Variants in ZSCAN10 observed in about 807,000 individuals in gnomAD.
ZSCAN10 encodes zinc finger and SCAN domain-containing protein 10.
ZSCAN10 carries 52 observed loss-of-function variants against 63.7 expected under a neutral mutation model. The observed-to-expected ratio is 0.82, with a 90% CI of 0.65 to 1.03. The LOEUF is 1.03. ZSCAN10 is among the 50% of genes least tolerant of loss of function. ZSCAN10 has a pLI of 0.00. For synonymous variants in ZSCAN10, 544 were observed against 479.6 expected (o/e 1.13, Z -1.76); for missense variants, 1,223 against 1,103.8 (o/e 1.11, Z -1.53).
rs1030759679 is a variant in ZSCAN10 at position 3,090,630 on chromosome 16, G to A, written c.804C>T (p.Thr268=). 6.5e-7 allele frequency: 1 copy of A among 1,544,116 alleles called. No homozygotes were observed. Among genetic ancestry groups the A allele is most frequent in the Admixed American group, 2.1e-5 (1 of 48,196 alleles). ...CTTGTTTAAATTCCTCCTTGTCTGG[G>A]GTTCTGCTTCCGAATCCTGGGAAAC... The part of the protein sequence containing the change: ...PAHPLGFGSR[T]PDKEEFKQEE... Residue 268 remains threonine (T), a synonymous_variant, in exon 6 of 6, where the codon ACC becomes ACT. Coordinates refer to ENST00000576985, the MANE Select transcript of ZSCAN10 (RefSeq NM_032805.3).
rs1957059750 is a variant in ZSCAN10, at chr16:3,090,546, A to G, written c.888T>C (p.Ser296=). ...TPILAESQAD[S]PGVPGEPCAQ... The stretch of plus-strand genomic sequence containing the variant: ...CGCAAGGCTCTCCCGGCACCCCAGG[A>G]CTATCTGCCTGGGACTCTGCTAAGA... The change falls in exon 6 of 6, where the codon AGT becomes AGC. Residue 296 remains serine, a synonymous_variant. Coordinates refer to ENST00000576985, the MANE Select transcript of ZSCAN10 (RefSeq NM_032805.3). 6.2e-7 allele frequency: 1 copy of G among 1,611,412 alleles called. No individual in the cohort carries two copies. Among genetic ancestry groups the G allele is most frequent in the African/African-American group, 1.3e-5 (1 of 75,018 alleles).
intron 1 of ZSCAN10, among the ~76,000 whole-genome samples, chr16:3,093,675 GCTTTTTTTTTT>G (rs953611827): frequency 7.2e-6 from 1 of 138,094 alleles, no homozygotes; most frequent in African/African-American, 2.8e-5. Context: ...GTTTTTTAAA[GCTTTTTTTTTT>G]CTTTTTTTTT....
At chr16:3,095,594 G>T (rs1447252730) in intron 1 of ZSCAN10, among the ~76,000 whole-genome samples, 1 of 151,266 alleles carries the variant, frequency 6.6e-6, no homozygotes, top group Non-Finnish European at 1.5e-5. Context: ...CACTTTGGGA[G>T]GCCGAGGGTG....
chr16:3,092,017 G>C, intron 3 of ZSCAN10, 32 bp downstream of exon 3: 3 of 1,550,438 alleles, frequency 1.9e-6, no homozygotes, highest in Non-Finnish European at 2.6e-6. Flanking sequence ...GCGACACCCA[G>C]TCCTTGGCCT....
intron 5 of ZSCAN10, among the ~76,000 whole-genome samples, chr16:3,090,890 C>CA (rs398058044): frequency 0.2 from 12,452 of 63,602 alleles, 837 homozygotes; most frequent in East Asian, 0.43. Flanking sequence ...CCCGTCTCTA[C>CA]AAAAAAAAAA....
At chr16:3,090,682 A>G (rs373217633) in intron 5 of ZSCAN10, 36 bp from the exon 6 acceptor site, 23 of 1,498,872 alleles carry the variant, frequency 1.5e-5, no homozygotes, top group Non-Finnish European at 2.0e-5. Context: ...GGTCAGGCCT[A>G]TTCCCAGGGC....
chr16:3,090,770 C>T (rs900355901), intron 5 of ZSCAN10, 124 bp from the exon 6 acceptor site: 1 of 1,196,148 alleles, frequency 8.4e-7, no homozygotes, highest in Non-Finnish European at 1.1e-6. Context: ...AGGTAAAAGG[C>T]CGGGCACAGT....
Position 3,089,655 on chromosome 16 carries a change from A to C in ZSCAN10, c.1779T>G (p.Leu593=). The C allele has an allele frequency of 6.3e-7, 1 of 1,590,180 alleles. No homozygotes were observed. Among genetic ancestry groups the C allele is most frequent in the Non-Finnish European group, 8.6e-7 (1 of 1,168,738 alleles). ...CGKRFVRRAS[L]ARHLLTHGGP... is the part of the protein sequence containing the mutation. ...CACCGTGGGTCAGCAGGTGGCGGGC[A>C]AGGCTGGCCCGGCGCACAAAGCGCT... Residue 593 remains leucine (L), a synonymous_variant, in exon 6 of 6, where the codon CTT becomes CTG. Coordinates refer to ENST00000576985, the MANE Select transcript of ZSCAN10 (RefSeq NM_032805.3).
Position 3,090,049 on chromosome 16 carries a change from C to T in ZSCAN10, c.1385G>A (p.Cys462Tyr). ...LAHAQDQKPP[C>Y]APESKAEAPP... is the part of the protein sequence containing the mutation. ...CGCTTCGGCCTTACTCTCAGGAGCG[C>T]AGGGCGGCTTCTGGTCCTGGGCGTG... The change falls in exon 6 of 6, where the codon TGC becomes TAC. Residue 462 changes from cysteine (C) to tyrosine (Y), a missense_variant. Coordinates refer to ENST00000576985, the MANE Select transcript of ZSCAN10 (RefSeq NM_032805.3). 6.2e-7 allele frequency: 1 copy of T among 1,602,366 alleles called. No individual in the cohort carries two copies. The highest frequency in any genetic ancestry group is 8.5e-7 in the Non-Finnish European group (1 of 1,177,654).
intron 1 of ZSCAN10, among the ~76,000 whole-genome samples, chr16:3,094,637 G>C (rs898806440): frequency 1.3e-5 from 2 of 152,034 alleles, no homozygotes; most frequent in Admixed American, 1.3e-4. Context: ...GAACCACCCC[G>C]CCCGACCTAA....
rs1277658796 is a variant in ZSCAN10 at position 3,092,864 on chromosome 16, G to GCCT, written c.71_73dup (p.Glu24dup). ...TCGCCTGGGGTCCTCTGGGCTGACAGCCTCCTCCTCCTCCAGCTTGACTTC... is the reference window on the plus strand; with the variant it reads ...TCGCCTGGGGTCCTCTGGGCTGACAGCCTCCTCCTCCTCCTCCAGCTTGACTTC... On this transcript the variant is annotated inframe_insertion, in exon 2 of 6. Transcript: ENST00000576985. The GCCT allele has an allele frequency of 3.4e-6, 5 of 1,450,080 alleles. No homozygotes were observed. In the African/African-American group the frequency reaches 4.3e-5, roughly 13 times the overall value. The allele number at this position is 1,450,080 out of a possible 1,614,324, so 89.8% of individuals were successfully genotyped here.
Position 3,091,815 on chromosome 16 carries a change from G to A in ZSCAN10, c.678C>T (p.Pro226=), listed in dbSNP as rs776231045. The A allele has an allele frequency of 1.3e-6, 2 of 1,572,108 alleles. No individual in the cohort carries two copies. The highest frequency in any genetic ancestry group is 1.7e-6 in the Non-Finnish European group (2 of 1,158,492). The change falls in exon 4 of 6, where the codon CCC becomes CCT. Residue 226 remains proline, a synonymous_variant. Transcript: ENST00000576985. ...GGGAACTCTCCTCTGGCCATGGTGAGGGGCCCTGGGGACCTGACGGCATTG... is the reference window on the plus strand; with the variant it reads ...GGGAACTCTCCTCTGGCCATGGTGAAGGGCCCTGGGGACCTGACGGCATTG... ...QALQESSPQG[P]SPWPEESSRD...
At position 3,089,713 on chromosome 16, in the gene ZSCAN10, C is replaced by G. The variant is rs776576700; in HGVS notation, c.1721G>C (p.Gly574Ala). The G allele has an allele frequency of 3.1e-6, 5 of 1,603,850 alleles. No homozygotes were observed. In the East Asian group the frequency reaches 1.1e-4, roughly 36 times the overall value. ...QLVSHQRVHT[G>A]EKPYACPQCG... Reference sequence around the variant, plus strand: ...CTGCGGACAGGCGTAGGGCTTCTCGCCCGTGTGCACCCGTTGGTGGCTGAC... The same window carrying G: ...CTGCGGACAGGCGTAGGGCTTCTCGGCCGTGTGCACCCGTTGGTGGCTGAC... The change falls in exon 6 of 6, where the codon GGC (glycine) becomes GCC (alanine). Residue 574 changes from glycine (G) to alanine (A), a missense_variant. Coordinates refer to ENST00000576985, the MANE Select transcript of ZSCAN10 (RefSeq NM_032805.3).
In ZSCAN10 at chr16:3,090,655, C is replaced by T; in HGVS notation, c.788-9G>A. The T allele has an allele frequency of 2.0e-6, 3 of 1,523,428 alleles. No homozygotes were observed. Among genetic ancestry groups the T allele is most frequent in the South Asian group, 2.5e-5 (2 of 78,862 alleles). 94.4% of individuals were successfully genotyped at this position (1,523,428 alleles called of 1,614,324 possible). A position where few individuals can be genotyped will look rare whatever the true frequency, so the allele number is the denominator to read the frequency against. On this transcript the variant is annotated splice_polypyrimidine_tract_variant and intron_variant, in intron 5 of 5. Coordinates refer to ENST00000576985, the MANE Select transcript of ZSCAN10 (RefSeq NM_032805.3). ...GGTTCTGCTTCCGAATCCTGGGAAACAAGACAAAACAGGGACGGTCAGGCC... is the reference window on the plus strand; with the variant it reads ...GGTTCTGCTTCCGAATCCTGGGAAATAAGACAAAACAGGGACGGTCAGGCC...
intron 1 of ZSCAN10, among the ~76,000 whole-genome samples, chr16:3,095,856 C>G (rs979116345): frequency 5.3e-5 from 8 of 150,842 alleles, no homozygotes; most frequent in Admixed American, 2.0e-4. Context: ...TTTAGCCAGT[C>G]ATGGTTGTGT....
chr16:3,090,511 A>G lies in ZSCAN10; in HGVS notation c.923T>C (p.Leu308Pro). ...GVPGEPCAQS[L>P]GRGAAASGPG... ...GCCGCTAGCCGCAGCGCCCCGTCCG[A>G]GCGACTGGGCGCAAGGCTCTCCCGG... Residue 308 changes from leucine (L) to proline (P), a missense_variant, in exon 6 of 6, where the codon CTC (leucine) becomes CCC (proline). Coordinates refer to ENST00000576985, the MANE Select transcript of ZSCAN10 (RefSeq NM_032805.3). The G allele has an allele frequency of 1.2e-6, 2 of 1,613,152 alleles. No individual in the cohort carries two copies. Among genetic ancestry groups the G allele is most frequent in the Non-Finnish European group, 1.7e-6 (2 of 1,179,670 alleles).
chr16:3,094,570 C>CT (rs1212240571), intron 1 of ZSCAN10, among the ~76,000 whole-genome samples: 4 of 152,208 alleles, frequency 2.6e-5, no homozygotes, highest in Non-Finnish European at 4.4e-5. Flanking sequence ...CTCTCAAACT[C>CT]TTAACCTCAG....
intron 1 of ZSCAN10, among the ~76,000 whole-genome samples, chr16:3,096,027 C>T (rs2037983): frequency 0.054 from 8,151 of 152,150 alleles, 271 homozygotes; most frequent in East Asian, 0.13. Flanking sequence ...AATAAGTCAT[C>T]TATAGCCACC....
chr16:3,089,951 G>T lies in ZSCAN10; in HGVS notation c.1483C>A (p.Leu495Met). 6.5e-7 allele frequency: 1 copy of T among 1,542,012 alleles called. No homozygotes were observed. Among genetic ancestry groups the T allele is most frequent in the Non-Finnish European group, 8.7e-7 (1 of 1,146,822 alleles). ...TCCTTGTCCCTGGCGTGGATCCGCA[G>T]GTGGCGCTTGAGGCTGGAGCGGCGC... ...FQRRSSLKRH[L>M]RIHARDKDRR... Residue 495 changes from leucine to methionine, a missense_variant, in exon 6 of 6, where the codon CTG (leucine) becomes ATG (methionine). Transcript: ENST00000576985.
Sources: allele counts gnomAD v4.1 joint callset (sites outside exome capture counted in the v4.1 genomes callset), GRCh38; gene constraint gnomAD v4.1.1; transcripts MANE v1.5; gene names NCBI Gene and HGNC (gene_info 2026-07-23, HGNC 2026-07-21).